The following FRRS1 variants were observed in gnomAD, a reference collection of about 807,000 sequenced individuals.
FRRS1 encodes the protein ferric chelate reductase 1, also known as ferric reductase 1.
FRRS1 carries 51 observed loss-of-function variants against 70.7 expected under a neutral mutation model. That is an observed-to-expected ratio of 0.72 (90% confidence interval 0.58 to 0.91). The LOEUF is 0.91. FRRS1 is among the 40% of genes least tolerant of loss of function. The pLI is 0.00. For synonymous variants in FRRS1, 225 were observed against 238.7 expected, an observed-to-expected ratio of 0.94 and a Z score of 0.53; for missense variants, 672 against 726.0, an observed-to-expected ratio of 0.93 and a Z score of 0.86.
chr1:99,748,730 A>G lies in FRRS1; in HGVS notation c.39T>C (p.Leu13=). 1.9e-6 allele frequency: 3 copies of G among 1,614,126 alleles called. No homozygotes were observed. Among genetic ancestry groups the G allele is most frequent in the Non-Finnish European group, 2.5e-6 (3 of 1,179,972 alleles). ...TAGCCACATAACTAATGTGCAACAG[A>G]AGTATGCAGGTACCAAGAGTAAATC... is the stretch of plus-strand genomic sequence containing the variant. The part of the protein sequence containing the change: ...VSGFTLGTCI[L]LLHISYVANY... The change falls in exon 3 of 17, where the codon CTT becomes CTC. Residue 13 remains leucine, a synonymous_variant. Coordinates refer to ENST00000646001, the MANE Select transcript of FRRS1 (RefSeq NM_001361041.2).
At chr1:99,749,290 T>C (rs947316612) in intron 1 of FRRS1, among the ~76,000 whole-genome samples, 2 of 152,196 alleles carry the variant, frequency 1.3e-5, no homozygotes. Flanking sequence ...CCTCCCAAAG[T>C]TCTGGGATTA....
chr1:99,757,506 CAAAAAGT>C (rs1159515805), intron 1 of FRRS1, among the ~76,000 whole-genome samples: 6 of 152,152 alleles, frequency 3.9e-5, no homozygotes. Context: ...TGAGCCTGAA[CAAAAAGT>C]ATAAATATGG....
At chr1:99,724,152 T>C (rs917370379) in intron 9 of FRRS1, among the ~76,000 whole-genome samples, 2 of 152,216 alleles carry the variant, frequency 1.3e-5, no homozygotes, top group African/African-American at 4.8e-5. Context: ...TTAACCTTCA[T>C]GAAAGCAGAA....
chr1:99,715,821 T>TA, intron 11 of FRRS1, 149 bp from the exon 12 acceptor site: 194 of 453,724 alleles, frequency 4.3e-4, no homozygotes, highest in South Asian at 1.6e-3. Context: ...GTAGCCAGGT[T>TA]AAGAAAAAAA....
In FRRS1 at chr1:99,740,808, G is replaced by A. The variant is rs1363727591; in HGVS notation, c.561C>T (p.Ser187=). 6.2e-7 allele frequency: 1 copy of A among 1,611,040 alleles called. No homozygotes were observed. The highest frequency in any genetic ancestry group is 2.2e-5 in the East Asian group (1 of 44,856). ...VVPLPTLPPV[S]HLTKPFSASD... is the part of the protein sequence containing the mutation. ...TGTTACTTACTGGTTTGGTTAAGTG[G>A]GAAACGGGAGGTAACGTTGGCAAAG... Residue 187 remains serine, a synonymous_variant, in exon 6 of 17, where the codon TCC becomes TCT. Transcript: ENST00000646001.
At chr1:99,754,741 G>A (rs965438963) in intron 1 of FRRS1, among the ~76,000 whole-genome samples, 7 of 152,128 alleles carry the variant, frequency 4.6e-5, no homozygotes, top group Admixed American at 2.6e-4. Flanking sequence ...GTGGGATGCC[G>A]CAAAAGCAGT....
Position 99,708,810 on chromosome 1 carries a change from C to A in FRRS1, c.*218G>T. ...GAAGTACAATCTTTCCTTTAAGACCCAGAATTACATATAGGGCATGACATT... is the reference window on the plus strand; with the variant it reads ...GAAGTACAATCTTTCCTTTAAGACCAAGAATTACATATAGGGCATGACATT... On this transcript the variant is annotated 3_prime_UTR_variant, in exon 17 of 17. Coordinates refer to ENST00000646001, the MANE Select transcript of FRRS1 (RefSeq NM_001361041.2). The A allele has an allele frequency of 1.2e-6, 1 of 818,144 alleles. No individual in the cohort carries two copies. The highest frequency in any genetic ancestry group is 1.9e-6 in the Non-Finnish European group (1 of 516,790). The allele number at this position is 818,144 out of a possible 1,614,324, so 50.7% of individuals were successfully genotyped here. A position where few individuals can be genotyped will look rare whatever the true frequency, so the allele number is the denominator to read the frequency against.
At chr1:99,714,883 G>A (rs1222850924) in intron 12 of FRRS1, among the ~76,000 whole-genome samples, 1 of 152,188 alleles carries the variant, frequency 6.6e-6, no homozygotes, top group Non-Finnish European at 1.5e-5. Context: ...GGTCCTGCAT[G>A]CAATGTGAGC....
At position 99,729,535 on chromosome 1, in the gene FRRS1, G is replaced by A. The variant is rs907822947; in HGVS notation, c.858+115C>T. On this transcript the variant is annotated intron_variant, in intron 8 of 16. Transcript: ENST00000646001. ...AGCCCTGCTGGCAGGCCCCTGCTCA[G>A]GCTAGGTGGAACTGTGGGGGTTGGA... The A allele has an allele frequency of 2.6e-5, 17 of 650,374 alleles. 1 individual carries two copies. The highest frequency in any genetic ancestry group is 4.8e-5 in the Non-Finnish European group (17 of 356,636). The allele number at this position is 650,374 out of a possible 1,614,324, so 40.3% of individuals were successfully genotyped here.
At chr1:99,732,070 T>G (rs1045794831) in intron 7 of FRRS1, among the ~76,000 whole-genome samples, 6 of 152,240 alleles carry the variant, frequency 3.9e-5, no homozygotes, top group Admixed American at 3.9e-4. Flanking sequence ...AATGGTTGAT[T>G]TGAGGCAAAC....
intron 9 of FRRS1, among the ~76,000 whole-genome samples, chr1:99,722,070 T>C (rs886354987): frequency 1.3e-5 from 2 of 152,096 alleles, no homozygotes; most frequent in Admixed American, 6.6e-5. Context: ...AGTGCAGTGG[T>C]GTAATCATAA....
At chr1:99,746,732 C>G (rs1185870386) in intron 4 of FRRS1, among the ~76,000 whole-genome samples, 3 of 152,210 alleles carry the variant, frequency 2.0e-5, no homozygotes, top group Non-Finnish European at 4.4e-5. Flanking sequence ...TTGCCTTCTT[C>G]TACGACATGG....
rs767591771 is a variant in FRRS1 at position 99,728,602 on chromosome 1, A to G, written c.897T>C (p.Gly299=). 2.1e-5 allele frequency: 34 copies of G among 1,613,734 alleles called. No homozygotes were observed. The highest frequency in any genetic ancestry group is 1.3e-4 in the Admixed American group (8 of 59,980). The change falls in exon 9 of 17, where the codon GGT becomes GGC. Residue 299 remains glycine, a synonymous_variant. Transcript: ENST00000646001. The part of the protein sequence containing the change: ...LEDMAWRLAD[G]VMQCSFRRNI... ...TTCTTCTGAAAGAACACTGCATAAC[A>G]CCGTCCGCCAACCTCCAAGCCATAT...
chr1:99,734,625 C>A (rs1655559056), intron 7 of FRRS1, among the ~76,000 whole-genome samples: 1 of 151,970 alleles, frequency 6.6e-6, no homozygotes, highest in African/African-American at 2.4e-5. Flanking sequence ...AAGTCAAAAC[C>A]AACATTTCTC....
chr1:99,733,001 G>A (rs1163856953), intron 7 of FRRS1, among the ~76,000 whole-genome samples: 6 of 151,930 alleles, frequency 3.9e-5, no homozygotes, highest in East Asian at 1.9e-4. Flanking sequence ...ATGCCACTAC[G>A]CCCAGCTAAT....
intron 1 of FRRS1, among the ~76,000 whole-genome samples, chr1:99,758,914 T>A (rs1656981561): frequency 6.6e-6 from 1 of 152,126 alleles, no homozygotes; most frequent in Non-Finnish European, 1.5e-5. Flanking sequence ...AGGACTGAGA[T>A]ACGCCCTGGT....
intron 1 of FRRS1, among the ~76,000 whole-genome samples, chr1:99,760,189 G>C (rs1657046106): frequency 6.6e-6 from 1 of 152,168 alleles, no homozygotes; most frequent in African/African-American, 2.4e-5. Context: ...AGTGGTAATT[G>C]CCACTATTTA....
At chr1:99,722,005 A>G (rs1262135661) in intron 9 of FRRS1, among the ~76,000 whole-genome samples, 1 of 151,276 alleles carries the variant, frequency 6.6e-6, no homozygotes, top group African/African-American at 2.4e-5. Context: ...TATTTATTTT[A>G]TTTTATTATT....
intron 1 of FRRS1, among the ~76,000 whole-genome samples, chr1:99,763,155 G>C (rs753139976): frequency 6.6e-5 from 10 of 152,078 alleles, no homozygotes; most frequent in Non-Finnish European, 1.5e-4. Flanking sequence ...AAAATTTCAA[G>C]AATTTTTTTT....
Sources: gnomAD v4.1 joint callset for allele counts (sites outside exome capture counted in the v4.1 genomes callset) on GRCh38, gnomAD v4.1.1 for gene constraint, MANE v1.5 for transcripts, NCBI Gene and HGNC (gene_info 2026-07-23, HGNC 2026-07-21) for gene names.